Variants in SYNE1 observed in about 807,000 individuals in gnomAD.
SYNE1 encodes nesprin-1.
In SYNE1, 616 loss-of-function variants were observed where a neutral mutation model predicts 1,111.0. The observed-to-expected ratio is 0.55, with a 90% CI of 0.52 to 0.59. SYNE1 has a LOEUF of 0.59. SYNE1 is among the 20% of genes least tolerant of loss of function. The pLI is 0.00. For missense variants in SYNE1, 10,006 were observed against 10,417.0 expected (o/e 0.96, Z 1.72); for synonymous variants, 3,855 against 3,825.8 (o/e 1.01, Z -0.28).
At chr6:152,621,032 A>T (rs2128908117) in intron 3 of SYNE1, among the ~76,000 whole-genome samples, 1 of 152,334 alleles carries the variant, frequency 6.6e-6, no homozygotes, top group South Asian at 2.1e-4. Context: ...TTGGCAATAA[A>T]GCCTTTGCTG....
chr6:152,253,835 T>G (rs1221318285), intron 104 of SYNE1, among the ~76,000 whole-genome samples: 74 of 69,548 alleles, frequency 1.1e-3, no homozygotes, highest in African/African-American at 4.2e-3. Flanking sequence ...TTTTTTTTTT[T>G]TTTTTTTTTT....
intron 3 of SYNE1, among the ~76,000 whole-genome samples, chr6:152,625,047 G>A (rs1316400636): frequency 2.6e-5 from 4 of 152,102 alleles, no homozygotes; most frequent in Non-Finnish European, 5.9e-5. Flanking sequence ...TCTAGACAAA[G>A]AAAAAGGATT....
intron 140 of SYNE1, 48 bp downstream of exon 140, chr6:152,139,902 G>T (rs755540437): frequency 6.3e-7 from 1 of 1,578,466 alleles, no homozygotes; most frequent in South Asian, 1.1e-5. Flanking sequence ...GGTCGTTCAC[G>T]CGGTGGCTCT....
At chr6:152,166,080 C>G (rs2063597829) in intron 130 of SYNE1, among the ~76,000 whole-genome samples, 1 of 152,220 alleles carries the variant, frequency 6.6e-6, no homozygotes, top group Non-Finnish European at 1.5e-5. Flanking sequence ...GATCTGAACA[C>G]TTACTAGGCT....
In SYNE1 at chr6:152,148,201, T is replaced by C; in HGVS notation, c.24820A>G (p.Thr8274Ala). The change falls in exon 137 of 146, where the codon ACC (threonine) becomes GCC (alanine). Residue 8274 changes from threonine to alanine, a missense_variant. Physicochemically the swap from Thr to Ala is moderately conservative, Grantham distance 58 (BLOSUM62 0). Coordinates refer to ENST00000367255, the MANE Select transcript of SYNE1 (RefSeq NM_182961.4). This position sits in a 1 kb window ranked among gnomAD's most constrained non-coding sequence, Gnocchi z 4.1. ...GGGATGGAGTCCACACTAGCCGGGG[T>C]GTCTCGTCCTGACCGCTCGCTCCGG... ...PLRSERSGRD[T>A]PASVDSIPLE... The C allele has an allele frequency of 1.2e-6, 2 of 1,614,066 alleles. No individual in the cohort carries two copies. The highest frequency in any genetic ancestry group is 3.3e-4 in the Middle Eastern group (2 of 6,060).
At chr6:152,393,990 T>A (rs2097690495) in intron 51 of SYNE1, among the ~76,000 whole-genome samples, 1 of 152,148 alleles carries the variant, frequency 6.6e-6, no homozygotes, top group Non-Finnish European at 1.5e-5. Context: ...CCCCATCCCC[T>A]GACAGGTCCC....
At chr6:152,539,508 T>C (rs998990527) in intron 4 of SYNE1, among the ~76,000 whole-genome samples, 48 of 152,170 alleles carry the variant, frequency 3.2e-4, no homozygotes, top group Non-Finnish European at 2.2e-4. Context: ...CCTATTACCA[T>C]GGTTACTTTT....
rs1209590450 is a variant in SYNE1 at position 152,415,789 on chromosome 6, TAAAAAAAAAAAAAAAAAA to T, written c.6050+580_6050+597del. ...GTCGTTAATCTTATCTTCAAAGTGG[TAAAAAAAAAAAAAAAAAA>T]AAAAAAAAGAAGAGGAAGAAGAAAT... On this transcript the variant is annotated intron_variant, in intron 41 of 145. Transcript: ENST00000367255. Among the ~76,000 whole-genome samples, 659 of 73,060 alleles carry T rather than the reference TAAAAAAAAAAAAAAAAAA, an allele frequency of 9.0e-3. 6 individuals carry two copies. Among genetic ancestry groups the T allele is most frequent in the Middle Eastern group, 0.067 (6 of 90 alleles). 47.9% of individuals were successfully genotyped at this position (73,060 alleles called of 152,430 possible). A position where few individuals can be genotyped will look rare whatever the true frequency, so the allele number is the denominator to read the frequency against.
chr6:152,262,839 T>C (rs950996364), intron 100 of SYNE1, among the ~76,000 whole-genome samples: 1 of 139,628 alleles, frequency 7.2e-6, no homozygotes, highest in African/African-American at 2.8e-5. Context: ...CCTGAGAAGG[T>C]AGTAGAGGAC....
In SYNE1 at chr6:152,350,215, C is replaced by T. The variant is rs1163705264; in HGVS notation, c.11854G>A (p.Glu3952Lys). 7 of 1,613,996 alleles carry T rather than the reference C, an allele frequency of 4.3e-6. No individual in the cohort carries two copies. The highest frequency in any genetic ancestry group is 5.1e-6 in the Non-Finnish European group (6 of 1,180,034). ...GTGATTGTCTCCAGGCTGCTTGTCTCCAGGAGGTCAGGTGCCACCAGTCTG... is the reference window on the plus strand; with the variant it reads ...GTGATTGTCTCCAGGCTGCTTGTCTTCAGGAGGTCAGGTGCCACCAGTCTG... ...SGRLVAPDLL[E>K]TSSLETITQQ... is the part of the protein sequence containing the mutation. The change falls in exon 72 of 146, where the codon GAG becomes AAG. Residue 3952 changes from glutamate (E) to lysine (K), a missense_variant. Physicochemically the swap from Glu to Lys is moderately conservative, Grantham distance 56. Around this residue, in one of 7 missense-constraint regions of SYNE1, gnomAD observed 4,955 missense variants for 5,017.2 expected, o/e 0.99. Transcript: ENST00000367255.
At chr6:152,506,460 A>T (rs953966841) in intron 8 of SYNE1, among the ~76,000 whole-genome samples, 1 of 152,090 alleles carries the variant, frequency 6.6e-6, no homozygotes, top group African/African-American at 2.4e-5. Context: ...GAATCTCAAA[A>T]TTTTCATGAA....
intron 51 of SYNE1, among the ~76,000 whole-genome samples, chr6:152,394,851 T>C (rs929987938): frequency 2.0e-5 from 3 of 148,816 alleles, no homozygotes; most frequent in Non-Finnish European, 4.5e-5. Flanking sequence ...AGTGGCATGA[T>C]CTCGGCTCAC....
intron 14 of SYNE1, among the ~76,000 whole-genome samples, chr6:152,476,686 C>T (rs566939700): frequency 9.9e-5 from 15 of 151,932 alleles, no homozygotes; most frequent in Admixed American, 2.6e-4. Flanking sequence ...CTGGGCAACA[C>T]GGTGAAACCC....
At chr6:152,495,045 G>A (rs780624133) in intron 11 of SYNE1, among the ~76,000 whole-genome samples, 18 of 152,012 alleles carry the variant, frequency 1.2e-4, no homozygotes, top group South Asian at 2.1e-4. Context: ...CCATTCTATC[G>A]TTTTTCATAA....
intron 127 of SYNE1, 64 bp from the exon 128 acceptor site, chr6:152,189,471 T>C: frequency 1.3e-6 from 2 of 1,519,072 alleles, no homozygotes; most frequent in South Asian, 1.1e-5. Flanking sequence ...TGAAGTGTTT[T>C]TGAATCCCCT....
chr6:152,372,508 AAAT>A (rs2097206825), intron 59 of SYNE1, among the ~76,000 whole-genome samples: 1 of 152,220 alleles, frequency 6.6e-6, no homozygotes, highest in African/African-American at 2.4e-5. Context: ...GACGGAAAAA[AAAT>A]AATTATATTG....
chr6:152,413,680 G>T, intron 41 of SYNE1, 149 bp from the exon 42 acceptor site: 1 of 827,522 alleles, frequency 1.2e-6, no homozygotes, highest in East Asian at 2.7e-5. Flanking sequence ...GTTTATCAAT[G>T]GAAAAAGTAC....
intron 59 of SYNE1, among the ~76,000 whole-genome samples, chr6:152,370,985 T>C (rs1294555021): frequency 6.6e-6 from 1 of 152,226 alleles, no homozygotes. Context: ...TTAGGTTGCA[T>C]GAAGGCAGGG....
Position 152,378,070 on chromosome 6 carries a change from T to C in SYNE1, c.9010-1158A>G, listed in dbSNP as rs373205147. On this transcript the variant is annotated intron_variant, in intron 56 of 145. Transcript: ENST00000367255. The stretch of plus-strand genomic sequence containing the variant: ...CACTCAGAGTGTTCCTCTCATAGGA[T>C]TGTCACAAGGAACAAATGAAATCAT... 2.6e-4 allele frequency among the ~76,000 whole-genome samples: 39 copies of C among 152,212 alleles called. 1 individual carries two copies. The highest frequency in any genetic ancestry group is 2.3e-3 in the South Asian group (11 of 4,820).
Sources: allele counts gnomAD v4.1 joint callset (sites outside exome capture counted in the v4.1 genomes callset), GRCh38; gene constraint gnomAD v4.1.1; regional missense constraint gnomAD v4.1.1; non-coding constraint Gnocchi (gnomAD v3.1); transcripts MANE v1.5; gene names NCBI Gene and HGNC (gene_info 2026-07-23, HGNC 2026-07-21).